The following RGS6 variants were observed in gnomAD, a reference collection of about 807,000 sequenced individuals.
The protein encoded by RGS6 is regulator of G protein signaling 6.
Under a neutral mutation model 78.5 loss-of-function variants are expected in RGS6, and 30 were observed. That is an observed-to-expected ratio of 0.38 (90% CI 0.29 to 0.52). The LOEUF (loss-of-function observed/expected upper bound fraction) is 0.52, where lower values mean the gene tolerates loss of function less well. RGS6 is among the 20% of genes least tolerant of loss of function. The pLI is 0.85. For synonymous variants in RGS6, 206 were observed against 206.0 expected (o/e 1.00, Z 0.00); for missense variants, 495 against 609.7 (o/e 0.81, Z 1.98).
intron 2 of RGS6, among the ~76,000 whole-genome samples, chr14:72,069,334 A>G (rs1597053862): frequency 2.0e-5 from 3 of 152,016 alleles, no homozygotes; most frequent in Non-Finnish European, 4.4e-5. Flanking sequence ...AGTTTGTTAT[A>G]TACCCTATTT....
the RGS6 span, among the ~76,000 whole-genome samples, chr14:72,610,358 G>T: frequency 6.6e-6 from 1 of 152,148 alleles, no homozygotes; most frequent in Admixed American, 6.5e-5. Flanking sequence ...TCCTACCATA[G>T]GAGCCACCTG....
intron 2 of RGS6, among the ~76,000 whole-genome samples, chr14:72,242,901 T>C (rs1189061723): frequency 7.8e-6 from 1 of 127,596 alleles, no homozygotes; most frequent in Non-Finnish European, 1.6e-5. Context: ...CAGGCTGGAG[T>C]GCAGTGGTGC....
the RGS6 span, among the ~76,000 whole-genome samples, chr14:72,592,445 G>A: frequency 2.6e-5 from 4 of 152,268 alleles, no homozygotes; most frequent in Non-Finnish European, 4.4e-5. Context: ...GTAACAAGGT[G>A]TTAAGCTGAA....
chr14:72,285,671 C>T (rs548641062), intron 2 of RGS6, among the ~76,000 whole-genome samples: 8 of 152,268 alleles, frequency 5.3e-5, no homozygotes, highest in Admixed American at 2.0e-4. Flanking sequence ...TTCTTTACAT[C>T]CTTGCCAGCA....
intron 2 of RGS6, among the ~76,000 whole-genome samples, chr14:72,040,268 C>G (rs2092271338): frequency 6.6e-6 from 1 of 152,012 alleles, no homozygotes; most frequent in Non-Finnish European, 1.5e-5. Context: ...TATCTAGGAT[C>G]CTTTCATTTG....
intron 2 of RGS6, among the ~76,000 whole-genome samples, chr14:72,191,398 G>C (rs914803955): frequency 6.6e-6 from 1 of 152,166 alleles, no homozygotes; most frequent in African/African-American, 2.4e-5. Flanking sequence ...GACCTTCCAT[G>C]TTGTATTAGT....
chr14:72,555,089 G>T (rs551246551), intron 17 of RGS6, among the ~76,000 whole-genome samples: 1 of 152,320 alleles, frequency 6.6e-6, no homozygotes, highest in Non-Finnish European at 1.5e-5. Flanking sequence ...CCCGAATTAG[G>T]CACTTGGCCT....
intron 2 of RGS6, among the ~76,000 whole-genome samples, chr14:72,287,497 C>T (rs971106585): frequency 6.6e-6 from 1 of 152,166 alleles, no homozygotes; most frequent in Non-Finnish European, 1.5e-5. Context: ...CACTCTGTCA[C>T]CCAGGCTGGA....
At chr14:72,190,517 C>T (rs2097309478) in intron 2 of RGS6, among the ~76,000 whole-genome samples, 1 of 152,124 alleles carries the variant, frequency 6.6e-6, no homozygotes, top group Admixed American at 6.5e-5. Context: ...TTAGCAACAC[C>T]AGGCCCTTCA....
intron 3 of RGS6, among the ~76,000 whole-genome samples, chr14:72,364,070 G>T (rs1273165506): frequency 1.3e-5 from 2 of 148,964 alleles, no homozygotes; most frequent in African/African-American, 5.0e-5. Context: ...TCAGAAACTG[G>T]TAACATCAGC....
At chr14:72,025,326 A>G (rs1278592385) in intron 2 of RGS6, among the ~76,000 whole-genome samples, 5 of 152,082 alleles carry the variant, frequency 3.3e-5, no homozygotes, top group Admixed American at 6.5e-5. Flanking sequence ...GGTTTCTGTT[A>G]TTTGGTAGGT....
intron 2 of RGS6, among the ~76,000 whole-genome samples, chr14:72,083,027 C>A (rs924402962): frequency 1.3e-5 from 2 of 152,172 alleles, no homozygotes; most frequent in African/African-American, 4.8e-5. Flanking sequence ...TGTGTACATA[C>A]CTCTAGATGT....
the RGS6 span, among the ~76,000 whole-genome samples, chr14:71,895,182 G>A: frequency 8.5e-5 from 13 of 152,048 alleles, 1 homozygote; most frequent in African/African-American, 3.1e-4. Flanking sequence ...CTATTAGACT[G>A]TTTTTTGTTT....
the RGS6 span, among the ~76,000 whole-genome samples, chr14:72,599,575 A>ATTTT: frequency 1.9e-5 from 2 of 103,258 alleles, no homozygotes; most frequent in African/African-American, 4.1e-5. Context: ...CGCCTGGCTA[A>ATTTT]TTTTTTTTTT....
intron 12 of RGS6, among the ~76,000 whole-genome samples, chr14:72,494,704 G>A (rs564193271): frequency 9.9e-5 from 15 of 152,246 alleles, no homozygotes; most frequent in Middle Eastern, 3.4e-3. Flanking sequence ...ATATTTAAAA[G>A]TCTTTATCAT....
chr14:72,224,166 C>G (rs1185113956), intron 2 of RGS6, among the ~76,000 whole-genome samples: 1 of 152,202 alleles, frequency 6.6e-6, no homozygotes, highest in African/African-American at 2.4e-5. Context: ...CTCCTGTAAT[C>G]CCAACACGTT....
chr14:71,957,910 C>A (rs1248850568), intron 1 of RGS6, among the ~76,000 whole-genome samples: 2 of 151,914 alleles, frequency 1.3e-5, no homozygotes, highest in Admixed American at 6.6e-5. Flanking sequence ...AGACTACAGG[C>A]AACGCACCAC....
chr14:72,546,771 G>A (rs1223418873), intron 17 of RGS6, among the ~76,000 whole-genome samples: 1 of 152,198 alleles, frequency 6.6e-6, no homozygotes, highest in Non-Finnish European at 1.5e-5. Flanking sequence ...ACACAGCTGT[G>A]TGTTTACAGC....
At chr14:72,434,479 A>T (rs1039842853) in intron 3 of RGS6, among the ~76,000 whole-genome samples, 4 of 152,196 alleles carry the variant, frequency 2.6e-5, no homozygotes, top group African/African-American at 9.7e-5. Context: ...TGTAGCATTC[A>T]ATGCACTGGA....
Sources: gnomAD v4.1 joint callset for allele counts (sites outside exome capture counted in the v4.1 genomes callset) on GRCh38, gnomAD v4.1.1 for gene constraint, MANE v1.5 for transcripts, NCBI Gene and HGNC (gene_info 2026-07-23, HGNC 2026-07-21) for gene names.